The following ASIP variants were observed in gnomAD, a reference collection of about 807,000 sequenced individuals.
ASIP encodes the protein agouti-signaling protein.
ASIP carries 11 observed loss-of-function variants against 10.3 expected under a neutral mutation model. That is an observed-to-expected ratio of 1.07 (90% CI 0.68 to 1.78). The LOEUF is 1.78. Ranked by LOEUF, ASIP falls within the 40% of genes most tolerant of loss-of-function variation. The pLI is 0.00. For synonymous variants in ASIP, 70 were observed against 70.8 expected (o/e 0.99, Z 0.06); for missense variants, 180 against 169.2 (o/e 1.06, Z -0.35).
intron 1 of ASIP, among the ~76,000 whole-genome samples, chr20:34,233,091 A>G (rs111830489): frequency 1.6e-3 from 218 of 137,300 alleles, no homozygotes; most frequent in Middle Eastern, 7.8e-3. Context: ...ATTCTTCCCC[A>G]CTCACACCAA....
intron 3 of ASIP, among the ~76,000 whole-genome samples, chr20:34,267,653 T>C (rs1389823542): frequency 6.6e-6 from 1 of 151,944 alleles, no homozygotes; most frequent in East Asian, 1.9e-4. Flanking sequence ...TGCCTCAGCC[T>C]CCCGGGAGTA....
rs1309606877 is a variant in ASIP at position 34,241,636 on chromosome 20, AG to A, written c.-11+149del. The A allele has an allele frequency of 7.4e-6, 5 of 678,366 alleles. No individual in the cohort carries two copies. In the Admixed American group the frequency reaches 2.5e-4, roughly 34 times the overall value. The allele number at this position is 678,366 out of a possible 1,614,324, so 42.0% of individuals were successfully genotyped here. ...ACTTTTGTGGGTCAGAGTAGTTAAG[AG>A]GAGTTCAGTGTGAAGAAAGCAGTTG... On this transcript the variant is annotated intron_variant, in intron 1 of 3. Transcript: ENST00000374954.
At chr20:34,211,865 T>A (rs909170956) in intron 1 of ASIP, among the ~76,000 whole-genome samples, 2 of 152,160 alleles carry the variant, frequency 1.3e-5, no homozygotes, top group Non-Finnish European at 2.9e-5. Flanking sequence ...TACAGTCACA[T>A]GCCTAGGTGT....
In ASIP at chr20:34,251,460, G is replaced by C. The variant is rs1181346297; in HGVS notation, c.-10-8905G>C. Among the ~76,000 whole-genome samples, 4 of 151,844 alleles carry C rather than the reference G, an allele frequency of 2.6e-5. No homozygotes were observed. In the East Asian group the frequency reaches 7.7e-4, roughly 29 times the overall value. ...TGATTTTTTTTTGTATTTTTTAATAGAGACGGGGTTTTACCGTGTTAGCCA... is the reference window on the plus strand; with the variant it reads ...TGATTTTTTTTTGTATTTTTTAATACAGACGGGGTTTTACCGTGTTAGCCA... On this transcript the variant is annotated intron_variant, in intron 1 of 3. Transcript: ENST00000374954.
intron 3 of ASIP, among the ~76,000 whole-genome samples, chr20:34,264,341 G>C (rs937087353): frequency 6.6e-6 from 1 of 152,176 alleles, no homozygotes; most frequent in Non-Finnish European, 1.5e-5. Context: ...TTGCGAGTAC[G>C]TGCTTACAAC....
At chr20:34,249,091 T>TGA (rs2035429712) in intron 1 of ASIP, among the ~76,000 whole-genome samples, 1 of 151,696 alleles carries the variant, frequency 6.6e-6, no homozygotes, top group Admixed American at 6.6e-5. Context: ...ATGGCACCAC[T>TGA]GCACTCCAGC....
At chr20:34,218,082 C>A (rs1012455689) in intron 1 of ASIP, among the ~76,000 whole-genome samples, 1 of 152,178 alleles carries the variant, frequency 6.6e-6, no homozygotes, top group Non-Finnish European at 1.5e-5. Context: ...TAATTGTTCT[C>A]AGCAAGATGT....
chr20:34,215,972 C>A (rs1242260306), intron 1 of ASIP: 1 of 752,726 alleles, frequency 1.3e-6, no homozygotes, highest in Non-Finnish European at 2.4e-6. Context: ...AACATCTTCC[C>A]TATCACTCCA....
chr20:34,267,368 G>A (rs759275444), intron 3 of ASIP, among the ~76,000 whole-genome samples: 1 of 143,960 alleles, frequency 6.9e-6, no homozygotes, highest in Non-Finnish European at 1.5e-5. Context: ...GAGCAGCAGC[G>A]TCCAATAGAA....
At chr20:34,202,473 A>G (rs912783447) in intron 1 of ASIP, among the ~76,000 whole-genome samples, 2 of 152,202 alleles carry the variant, frequency 1.3e-5, no homozygotes, top group Non-Finnish European at 1.5e-5. Context: ...GTGAATGGCA[A>G]TGTAGTTCTG....
intron 1 of ASIP, among the ~76,000 whole-genome samples, chr20:34,198,660 A>T (rs2034874075): frequency 6.6e-6 from 1 of 151,564 alleles, no homozygotes; most frequent in South Asian, 2.1e-4. Context: ...TAATTTTTAA[A>T]TTTTTTGTAG....
At chr20:34,219,257 GAATC>G (rs1328328384) in intron 1 of ASIP, among the ~76,000 whole-genome samples, 2 of 152,190 alleles carry the variant, frequency 1.3e-5, no homozygotes, top group African/African-American at 4.8e-5. Flanking sequence ...AGGAAGGAGA[GAATC>G]AAGGAGTAAA....
At chr20:34,268,808 G>A (rs955825907) in intron 3 of ASIP, among the ~76,000 whole-genome samples, 183 bp from the exon 4 acceptor site, 2 of 152,082 alleles carry the variant, frequency 1.3e-5, no homozygotes, top group Admixed American at 1.3e-4. Flanking sequence ...GCAAGAGCCA[G>A]GTAAGTCTGG....
intron 3 of ASIP, among the ~76,000 whole-genome samples, chr20:34,264,036 C>G (rs1568772271): frequency 6.6e-6 from 1 of 151,490 alleles, no homozygotes; most frequent in Non-Finnish European, 1.5e-5. Flanking sequence ...ATCTTGTTAC[C>G]TAGAAATATT....
At position 34,214,877 on chromosome 20, in the gene ASIP, C is replaced by A. The variant is rs201825270; in HGVS notation, c.-11+20117C>A. Reference sequence around the variant, plus strand: ...TGAATTAGTAGCTGCAACATCAGTGCCACTTTTGTTTCAATAGCTTGTAGT... The same window carrying A: ...TGAATTAGTAGCTGCAACATCAGTGACACTTTTGTTTCAATAGCTTGTAGT... On this transcript the variant is annotated intron_variant, in intron 1 of 3. Coordinates refer to the ASIP transcript ENST00000568305. 1.0e-3 allele frequency: 1,637 copies of A among 1,603,370 alleles called. 1 individual carries two copies. Among genetic ancestry groups the A allele is most frequent in the Non-Finnish European group, 1.3e-3 (1,481 of 1,170,344 alleles).
At chr20:34,267,481 A>AAAAG (rs1414907200) in intron 3 of ASIP, among the ~76,000 whole-genome samples, 1 of 151,414 alleles carries the variant, frequency 6.6e-6, no homozygotes, top group East Asian at 1.9e-4. Context: ...AAAAAAAAAA[A>AAAAG]AAGAACTGTG....
In ASIP at chr20:34,260,294, A is replaced by C. The variant is rs1601612365; in HGVS notation, c.-10-71A>C. Reference sequence around the variant, plus strand: ...TCACAACACCAGCCCAAAGAAGCACAAAGAAAGCAGGAAGGCCTCTTACCA... The same window carrying C: ...TCACAACACCAGCCCAAAGAAGCACCAAGAAAGCAGGAAGGCCTCTTACCA... On this transcript the variant is annotated intron_variant, in intron 1 of 3. Transcript: ENST00000374954. 2.7e-6 allele frequency: 4 copies of C among 1,472,848 alleles called. No individual in the cohort carries two copies. The East Asian group carries it at 9.2e-5, about 34-fold the overall frequency. The allele number at this position is 1,472,848 out of a possible 1,614,324, so 91.2% of individuals were successfully genotyped here. A position where few individuals can be genotyped will look rare whatever the true frequency, so the allele number is the denominator to read the frequency against.
At chr20:34,215,911 A>G (rs753074259) in intron 1 of ASIP, 10 of 873,036 alleles carry the variant, frequency 1.1e-5, no homozygotes, top group East Asian at 7.2e-5. Context: ...CTATACTTGG[A>G]GTTTTCTGGT....
At chr20:34,235,825 GAAAGAAAGAAA>G (rs1568755822) in intron 1 of ASIP, among the ~76,000 whole-genome samples, 2 of 62,152 alleles carry the variant, frequency 3.2e-5, no homozygotes, top group East Asian at 4.0e-4. Flanking sequence ...AAGAAAGAAA[GAAAGAAAGAAA>G]GAAAGAAGGA....
Sources: gnomAD v4.1 joint callset for allele counts (sites outside exome capture counted in the v4.1 genomes callset) on GRCh38, gnomAD v4.1.1 for gene constraint, MANE v1.5 for transcripts, NCBI Gene and HGNC (gene_info 2026-07-23, HGNC 2026-07-21) for gene names.